Variants in UPF2 observed in about 807,000 individuals in gnomAD.
UPF2 encodes the protein regulator of nonsense transcripts 2.
UPF2 carries 17 observed loss-of-function variants against 141.4 expected under a neutral mutation model. That is an observed-to-expected ratio of 0.12 (90% confidence interval 0.08 to 0.18). The LOEUF (loss-of-function observed/expected upper bound fraction) is 0.18. UPF2 is among the 10% of genes least tolerant of loss of function. The probability of loss-of-function intolerance (pLI) is 1.00; values close to 1 mark genes in which losing one functional copy is unlikely to be tolerated. For synonymous variants in UPF2, 540 were observed against 498.0 expected, an observed-to-expected ratio of 1.08 and a Z score of -1.12; for missense variants, 1,152 against 1,515.9, an observed-to-expected ratio of 0.76 and a Z score of 3.99.
chr10:11,951,986 A>G, intron 15 of UPF2, 80 bp downstream of exon 15: 1 of 1,402,248 alleles, frequency 7.1e-7, no homozygotes, highest in Non-Finnish European at 1.0e-6. Context: ...GTAAGCTCTG[A>G]CTGGTAACAT....
At chr10:11,978,426 T>C (rs1240049283) in intron 9 of UPF2, among the ~76,000 whole-genome samples, 1 of 152,128 alleles carries the variant, frequency 6.6e-6, no homozygotes, top group Non-Finnish European at 1.5e-5. Context: ...CAGAAGCACC[T>C]CCGTGAAATA....
chr10:11,973,463 C>T (rs558657447), intron 9 of UPF2, among the ~76,000 whole-genome samples: 1 of 152,272 alleles, frequency 6.6e-6, no homozygotes, highest in Non-Finnish European at 1.5e-5. Flanking sequence ...CTTGTCCATG[C>T]CTATGTCTTG....
chr10:11,985,975 C>G (rs1445591064), intron 8 of UPF2, among the ~76,000 whole-genome samples: 2 of 138,158 alleles, frequency 1.4e-5, no homozygotes, highest in African/African-American at 5.5e-5. Flanking sequence ...AGCTCCGCCT[C>G]CCGGGTTCAC....
At chr10:12,004,791 TA>T in intron 4 of UPF2, 64 bp from the exon 5 acceptor site, 1 of 1,504,428 alleles carries the variant, frequency 6.6e-7, no homozygotes, top group Non-Finnish European at 9.0e-7. Context: ...AAACATGACA[TA>T]AGTTATTTTT....
intron 20 of UPF2, 102 bp from the exon 21 acceptor site, chr10:11,930,087 T>C (rs1168792538): frequency 2.0e-6 from 3 of 1,526,878 alleles, no homozygotes; most frequent in Non-Finnish European, 2.7e-6. Context: ...ATTAGTCCTG[T>C]CAGGGAGCTG....
intron 8 of UPF2, among the ~76,000 whole-genome samples, chr10:11,991,417 C>T (rs1196223365): frequency 1.3e-5 from 2 of 151,994 alleles, no homozygotes; most frequent in African/African-American, 2.4e-5. Flanking sequence ...AACAAGATAA[C>T]AGAACTAGTA....
rs141211300 is a variant in UPF2 at position 12,025,548 on chromosome 10, CTAAA to C, written c.1145+3193_1145+3196del. 5.9e-4 allele frequency among the ~76,000 whole-genome samples: 87 copies of C among 147,352 alleles called. No homozygotes were observed. In the Middle Eastern group the frequency reaches 0.01, roughly 18 times the overall value. On this transcript the variant is annotated intron_variant, in intron 3 of 21. Coordinates refer to ENST00000357604, the MANE Select transcript of UPF2 (RefSeq NM_015542.4). ...CCTGGGAGACAGTAAGACTCCATCT[CTAAA>C]TAAATAAATAAATAAATAAATAAAT...
intron 9 of UPF2, among the ~76,000 whole-genome samples, chr10:11,970,047 C>A (rs967982042): frequency 6.6e-6 from 1 of 152,024 alleles, no homozygotes; most frequent in Non-Finnish European, 1.5e-5. Context: ...CGTGAAAGAG[C>A]AAAAGTTCTA....
intron 11 of UPF2, among the ~76,000 whole-genome samples, chr10:11,960,002 T>C (rs140913346): frequency 3.3e-3 from 496 of 152,308 alleles, no homozygotes; most frequent in Middle Eastern, 0.01. Context: ...AAGAGGTAAC[T>C]AACAAATACA....
At chr10:11,948,263 A>C (rs1160740853) in intron 16 of UPF2, 106 bp downstream of exon 16, 30 of 1,164,690 alleles carry the variant, frequency 2.6e-5, no homozygotes, top group Non-Finnish European at 3.0e-5. Context: ...AAAAAAAAAA[A>C]AAAAAAACCA....
At chr10:11,946,224 A>G (rs1487865978) in intron 16 of UPF2, among the ~76,000 whole-genome samples, 1 of 152,212 alleles carries the variant, frequency 6.6e-6, no homozygotes, top group East Asian at 1.9e-4. Flanking sequence ...TTTGTTATGC[A>G]GTTAAACCAT....
rs1404431480 is a variant in UPF2 at position 12,016,643 on chromosome 10, A to G, written c.1146-2459T>C. On this transcript the variant is annotated intron_variant, in intron 3 of 21. Coordinates refer to ENST00000357604, the MANE Select transcript of UPF2 (RefSeq NM_015542.4). This position sits in a 1 kb window ranked among gnomAD's most constrained non-coding sequence, Gnocchi z 4.1. ...CGGGAGGCAGAGGTTGCAGTGAGCC[A>G]AGATTGCACCACTGTACTCCAGCCT... Among the ~76,000 whole-genome samples, 3 of 151,234 alleles carry G rather than the reference A, an allele frequency of 2.0e-5. No individual in the cohort carries two copies. The highest frequency in any genetic ancestry group is 2.0e-4 in the East Asian group (1 of 5,062).
At chr10:11,974,251 T>TA (rs1833467796) in intron 9 of UPF2, among the ~76,000 whole-genome samples, 1 of 152,206 alleles carries the variant, frequency 6.6e-6, no homozygotes, top group Non-Finnish European at 1.5e-5. Flanking sequence ...TTGCTGAAGT[T>TA]GCTTATCAGC....
At position 11,939,556 on chromosome 10, in the gene UPF2, C is replaced by T. The variant is rs1306335931; in HGVS notation, c.3379-2844G>A. Among the ~76,000 whole-genome samples the T allele has an allele frequency of 6.6e-6, 1 of 151,922 alleles. No individual in the cohort carries two copies. The highest frequency in any genetic ancestry group is 6.6e-5 in the Admixed American group (1 of 15,252). On this transcript the variant is annotated intron_variant, in intron 18 of 21. Transcript: ENST00000357604. This position sits in a 1 kb window ranked among gnomAD's most constrained non-coding sequence, Gnocchi z 4.8. ...AAGACGAAGTCTCGCTCTTGTCTCC[C>T]CCGGCTGGAGTGCAATGGCGTGATC...
At chr10:12,007,475 A>C (rs925814587) in intron 4 of UPF2, among the ~76,000 whole-genome samples, 5 of 152,202 alleles carry the variant, frequency 3.3e-5, no homozygotes, top group African/African-American at 1.2e-4. Context: ...AAAAATAGGA[A>C]TATCACAGGC....
rs200905296 is a variant in UPF2 at position 11,957,000 on chromosome 10, T to C, written c.2371-477A>G. ...CATGCCTGGCTAATTTTTATATTTT[T>C]TGTAGAGGCGAGATCTTCCTATGTT... is the stretch of plus-strand genomic sequence containing the variant. On this transcript the variant is annotated intron_variant, in intron 12 of 21. Coordinates refer to ENST00000357604, the MANE Select transcript of UPF2 (RefSeq NM_015542.4). This position sits in a 1 kb window ranked among gnomAD's most constrained non-coding sequence, Gnocchi z 4.2. Among the ~76,000 whole-genome samples the C allele has an allele frequency of 6.6e-6, 1 of 152,204 alleles. No individual in the cohort carries two copies. The highest frequency in any genetic ancestry group is 1.9e-4 in the East Asian group (1 of 5,180).
At chr10:12,039,714 G>A (rs1834701594) in intron 1 of UPF2, among the ~76,000 whole-genome samples, 3 of 150,200 alleles carry the variant, frequency 2.0e-5, no homozygotes, top group South Asian at 4.2e-4. Flanking sequence ...TCTGCCACCC[G>A]GGTTCAAGTC....
At chr10:11,930,210 C>G (rs529705132) in intron 20 of UPF2, among the ~76,000 whole-genome samples, 2 of 152,296 alleles carry the variant, frequency 1.3e-5, no homozygotes, top group East Asian at 3.9e-4. Flanking sequence ...ATGAATCTAG[C>G]CACCACATAG....
In UPF2 at chr10:11,952,164, G is replaced by C; in HGVS notation, c.2936C>G (p.Thr979Arg). ...PIDIDYMISDTLELLRPKIKL... is the reference protein window; with the variant it reads ...PIDIDYMISDRLELLRPKIKL... Reference sequence around the variant, plus strand: ...GATCTTTGGTCTTAGCAGTTCTAGTGTATCACTGATCATGTAATCTATATC... The same window carrying C: ...GATCTTTGGTCTTAGCAGTTCTAGTCTATCACTGATCATGTAATCTATATC... Residue 979 changes from threonine to arginine, a missense_variant, in exon 15 of 22, where the codon ACA becomes AGA. By Grantham distance (71) the Thr-to-Arg change is moderately conservative. Coordinates refer to ENST00000357604, the MANE Select transcript of UPF2 (RefSeq NM_015542.4). 5.6e-6 allele frequency: 9 copies of C among 1,613,880 alleles called. No individual in the cohort carries two copies. The highest frequency in any genetic ancestry group is 1.7e-4 in the Middle Eastern group (1 of 6,060).
Sources: allele counts gnomAD v4.1 joint callset (sites outside exome capture counted in the v4.1 genomes callset), GRCh38; gene constraint gnomAD v4.1.1; non-coding constraint Gnocchi (gnomAD v3.1); transcripts MANE v1.5; gene names NCBI Gene and HGNC (gene_info 2026-07-23, HGNC 2026-07-21).